Variants in LRMDA observed in about 807,000 individuals in gnomAD.
The protein encoded by LRMDA is leucine-rich melanocyte differentiation-associated protein.
In LRMDA, 18 loss-of-function variants were observed where a neutral mutation model predicts 29.8. The observed-to-expected ratio is 0.60, with a 90% CI of 0.42 to 0.90. The LOEUF (loss-of-function observed/expected upper bound fraction) is 0.90. Ranked by LOEUF, LRMDA falls within the 40% of genes least tolerant of loss-of-function variation. The pLI is 0.00. For synonymous variants in LRMDA, 125 were observed against 109.4 expected (o/e 1.14, Z -0.89); for missense variants, 273 against 273.9 (o/e 1.00, Z 0.02).
intron 2 of LRMDA, among the ~76,000 whole-genome samples, chr10:75,751,280 G>C (rs780607506): frequency 6.6e-5 from 10 of 151,956 alleles, no homozygotes; most frequent in Non-Finnish European, 1.0e-4. Flanking sequence ...GTCCAGCCTC[G>C]GCTCGGCATC....
chr10:75,750,858 C>A (rs1235291669), intron 2 of LRMDA, among the ~76,000 whole-genome samples: 3 of 151,374 alleles, frequency 2.0e-5, no homozygotes, highest in African/African-American at 7.3e-5. Context: ...AGGGGCTCCT[C>A]ACATCCCAGA....
In LRMDA at chr10:76,112,253, A is replaced by G. The variant is rs79203087; in HGVS notation, c.516+53470A>G. ...ACCGGGCAACTTCCCTTCTGCCAGG[A>G]GGCTCTGGGTGGGGGGTTCATTCAG... is the stretch of plus-strand genomic sequence containing the variant. On this transcript the variant is annotated intron_variant, in intron 5 of 6. Transcript: ENST00000611255. Among the ~76,000 whole-genome samples the G allele has an allele frequency of 4.6e-5, 7 of 152,152 alleles. No individual in the cohort carries two copies. The East Asian group carries it at 1.2e-3, about 25-fold the overall frequency.
intron 2 of LRMDA, among the ~76,000 whole-genome samples, chr10:75,551,872 C>G (rs1054940247): frequency 1.3e-5 from 2 of 151,828 alleles, no homozygotes; most frequent in Admixed American, 6.6e-5. Context: ...GACCCATTCT[C>G]TACAAAACAT....
intron 2 of LRMDA, among the ~76,000 whole-genome samples, chr10:75,993,305 T>TGGAGGA (rs377622603): frequency 1.8e-4 from 28 of 152,144 alleles, no homozygotes; most frequent in Non-Finnish European, 3.1e-4. Flanking sequence ...CTGATGATGA[T>TGGAGGA]GGAGGAGGAG....
chr10:76,049,898 A>C (rs1389698640), intron 4 of LRMDA, among the ~76,000 whole-genome samples: 1 of 152,182 alleles, frequency 6.6e-6, no homozygotes, highest in African/African-American at 2.4e-5. Context: ...CTTAAAAATG[A>C]ATGCTATTTC....
At chr10:75,872,504 C>G (rs1240799984) in intron 2 of LRMDA, among the ~76,000 whole-genome samples, 1 of 152,026 alleles carries the variant, frequency 6.6e-6, no homozygotes, top group Non-Finnish European at 1.5e-5. Flanking sequence ...TGGGGTTTCA[C>G]TATGTTGGCC....
At chr10:76,456,492 C>T (rs900081550) in intron 6 of LRMDA, among the ~76,000 whole-genome samples, 5 of 152,136 alleles carry the variant, frequency 3.3e-5, no homozygotes, top group African/African-American at 1.2e-4. Context: ...TGTATTTGCT[C>T]AGGGTGATGG....
intron 2 of LRMDA, among the ~76,000 whole-genome samples, chr10:75,922,021 C>T (rs1015577054): frequency 2.0e-5 from 3 of 152,178 alleles, no homozygotes; most frequent in African/African-American, 7.2e-5. Flanking sequence ...CTTTCGTTTT[C>T]TTCCACTATA....
chr10:75,771,451 T>G (rs1197303963), intron 2 of LRMDA, among the ~76,000 whole-genome samples: 1 of 152,094 alleles, frequency 6.6e-6, no homozygotes, highest in Non-Finnish European at 1.5e-5. Context: ...GGAGGAACAT[T>G]CCCGAGAGAG....
At chr10:76,423,567 GATTA>G (rs908805007) in intron 6 of LRMDA, among the ~76,000 whole-genome samples, 4 of 151,994 alleles carry the variant, frequency 2.6e-5, no homozygotes, top group Admixed American at 1.3e-4. Context: ...TGTGATTATT[GATTA>G]ATTGAGTGAT....
chr10:75,454,800 G>C (rs1269728056), intron 2 of LRMDA, among the ~76,000 whole-genome samples: 3 of 152,146 alleles, frequency 2.0e-5, no homozygotes, highest in Non-Finnish European at 4.4e-5. Context: ...TTTCAGGCTG[G>C]GCTTTGGCAA....
chr10:76,090,666 A>G (rs1010142707), intron 5 of LRMDA, among the ~76,000 whole-genome samples: 18 of 152,362 alleles, frequency 1.2e-4, no homozygotes, highest in African/African-American at 4.3e-4. Flanking sequence ...ACATGTGGTC[A>G]GTATATTCAG....
At chr10:75,463,109 C>A (rs1391848467) in intron 2 of LRMDA, among the ~76,000 whole-genome samples, 2 of 152,156 alleles carry the variant, frequency 1.3e-5, no homozygotes, top group South Asian at 2.1e-4. Context: ...AATGCTCCTG[C>A]ATCCTCTTCT....
At chr10:76,483,556 C>T (rs2132328728) in intron 6 of LRMDA, among the ~76,000 whole-genome samples, 1 of 151,894 alleles carries the variant, frequency 6.6e-6, no homozygotes, top group Non-Finnish European at 1.5e-5. Context: ...AGGGACTATC[C>T]TTAATTGTTT....
rs545319408 is a variant in LRMDA at position 76,557,646 on chromosome 10, C to T, written c.*358C>T. On this transcript the variant is annotated 3_prime_UTR_variant, in exon 7 of 7. Coordinates refer to ENST00000611255, the MANE Select transcript of LRMDA (RefSeq NM_001305581.2). Reference sequence around the variant, plus strand: ...AGGTCACACCTGGGGCCTCCCTGGACATGCTCAGTGGCTGCAGTCAAGTGA... The same window carrying T: ...AGGTCACACCTGGGGCCTCCCTGGATATGCTCAGTGGCTGCAGTCAAGTGA... 3.8e-5 allele frequency: 10 copies of T among 261,410 alleles called. No homozygotes were observed. In the Admixed American group the frequency reaches 3.9e-4, roughly 10 times the overall value. The allele number at this position is 261,410 out of a possible 1,614,324, so 16.2% of individuals were successfully genotyped here. A position where few individuals can be genotyped will look rare whatever the true frequency, so the allele number is the denominator to read the frequency against.
chr10:76,373,809 G>A (rs1841484485), intron 6 of LRMDA, among the ~76,000 whole-genome samples: 1 of 152,116 alleles, frequency 6.6e-6, no homozygotes, highest in Non-Finnish European at 1.5e-5. Flanking sequence ...AACTTTGCAA[G>A]TATTTATTCT....
chr10:75,708,292 C>T (rs866015377), intron 2 of LRMDA, among the ~76,000 whole-genome samples: 2 of 152,208 alleles, frequency 1.3e-5, no homozygotes, highest in Non-Finnish European at 2.9e-5. Flanking sequence ...CTCTCTCTCT[C>T]ATAACACATT....
Position 76,353,842 on chromosome 10 carries a change from A to G in LRMDA, c.601+29357A>G, listed in dbSNP as rs147715688. 3.3e-3 allele frequency among the ~76,000 whole-genome samples: 497 copies of G among 152,250 alleles called. 4 individuals are homozygous for G. The highest frequency in any genetic ancestry group is 0.012 in the African/African-American group (481 of 41,560). Reference sequence around the variant, plus strand: ...CCAAATTCTGTTCCATTACTTTGTAATAAGGGGGGACATGTGATTTCTGGC... The same window carrying G: ...CCAAATTCTGTTCCATTACTTTGTAGTAAGGGGGGACATGTGATTTCTGGC... On this transcript the variant is annotated intron_variant, in intron 6 of 6. Coordinates refer to ENST00000611255, the MANE Select transcript of LRMDA (RefSeq NM_001305581.2).
intron 2 of LRMDA, among the ~76,000 whole-genome samples, chr10:75,683,840 T>TG (rs1330110003): frequency 1.3e-5 from 2 of 152,256 alleles, no homozygotes; most frequent in African/African-American, 2.4e-5. Flanking sequence ...TTGCTGAGCA[T>TG]GGGGCTTAGT....
Sources: gnomAD v4.1 joint callset for allele counts (sites outside exome capture counted in the v4.1 genomes callset) on GRCh38, gnomAD v4.1.1 for gene constraint, MANE v1.5 for transcripts, NCBI Gene and HGNC (gene_info 2026-07-23, HGNC 2026-07-21) for gene names.